Variants in DIAPH2 observed in about 807,000 individuals in gnomAD.
The protein encoded by DIAPH2 is protein diaphanous homolog 2.
In DIAPH2, 35 loss-of-function variants were observed where a neutral mutation model predicts 92.7. The observed-to-expected ratio is 0.38, with a 90% confidence interval of 0.29 to 0.50. The LOEUF (loss-of-function observed/expected upper bound fraction) is 0.50. DIAPH2 is among the 20% of genes least tolerant of loss of function. The pLI is 0.94. For synonymous variants in DIAPH2, 301 were observed against 280.4 expected, an observed-to-expected ratio of 1.07 and a Z score of -0.73; for missense variants, 701 against 819.5, an observed-to-expected ratio of 0.86 and a Z score of 1.77.
At chrX:96,851,350 G>A (rs984901135) in intron 4 of DIAPH2, among the ~76,000 whole-genome samples, 7 of 111,566 alleles carry the variant, frequency 6.3e-5, no homozygotes, top group Non-Finnish European at 9.4e-5. Context: ...TGATCTGCCC[G>A]CCTTGGCCCC....
At chrX:97,589,272 G>A (rs1393522661) in intron 26 of DIAPH2, among the ~76,000 whole-genome samples, 2 of 82,801 alleles carry the variant, frequency 2.4e-5, no homozygotes, top group Non-Finnish European at 4.4e-5. Flanking sequence ...AGCCAAGCTC[G>A]CACCACTGCA....
At chrX:96,717,432 A>G (rs985373987) in intron 1 of DIAPH2, among the ~76,000 whole-genome samples, 3 of 108,872 alleles carry the variant, frequency 2.8e-5, no homozygotes, top group Non-Finnish European at 3.8e-5. Flanking sequence ...TGCTTCGTGT[A>G]TTTTGAAGCT....
At chrX:97,160,803 T>C (rs914157534) in intron 22 of DIAPH2, among the ~76,000 whole-genome samples, 8 of 111,667 alleles carry the variant, frequency 7.2e-5, no homozygotes, top group South Asian at 3.7e-4. Flanking sequence ...CAAAAATAGA[T>C]TAAACACATA....
chrX:97,029,838 C>T (rs906885014), intron 17 of DIAPH2, among the ~76,000 whole-genome samples: 4 of 111,381 alleles, frequency 3.6e-5, no homozygotes, highest in African/African-American at 1.3e-4. Context: ...GTCTTGATTA[C>T]TATAGCTTTA....
intron 26 of DIAPH2, among the ~76,000 whole-genome samples, chrX:97,506,879 A>G (rs2070838811): frequency 9.0e-6 from 1 of 111,503 alleles, no homozygotes; most frequent in Non-Finnish European, 1.9e-5. Context: ...TTTTTAACAA[A>G]CGTTCAATGT....
At chrX:97,040,384 A>T (rs971729667) in intron 17 of DIAPH2, among the ~76,000 whole-genome samples, 1 of 110,889 alleles carries the variant, frequency 9.0e-6, no homozygotes, top group African/African-American at 3.3e-5. Flanking sequence ...AGCTAACATC[A>T]TCAGATATCA....
At chrX:97,249,675 C>T (rs947174869) in intron 23 of DIAPH2, among the ~76,000 whole-genome samples, 15 of 111,781 alleles carry the variant, frequency 1.3e-4, no homozygotes, top group Admixed American at 1.3e-3. Flanking sequence ...TAGAAAGAGA[C>T]GAACGAAATG....
At chrX:96,891,402 C>G (rs903736712) in intron 5 of DIAPH2, among the ~76,000 whole-genome samples, 1 of 111,958 alleles carries the variant, frequency 8.9e-6, no homozygotes, top group Non-Finnish European at 1.9e-5. Context: ...TTGCATTAGA[C>G]TTTGCACATA....
At chrX:96,900,680 C>T (rs962591275) in intron 5 of DIAPH2, among the ~76,000 whole-genome samples, 4 of 111,641 alleles carry the variant, frequency 3.6e-5, no homozygotes, top group Non-Finnish European at 7.5e-5. Context: ...TGGATTTTAT[C>T]AAATGCTCTT....
chrX:97,426,335 A>T (rs1261788556), intron 25 of DIAPH2, among the ~76,000 whole-genome samples: 1 of 103,438 alleles, frequency 9.7e-6, no homozygotes, highest in Non-Finnish European at 2.0e-5. Context: ...CCCAGGCTGG[A>T]TGGAGTGCAG....
chrX:96,994,089 G>A (rs1396176561), intron 17 of DIAPH2, among the ~76,000 whole-genome samples: 4 of 111,796 alleles, frequency 3.6e-5, no homozygotes, highest in African/African-American at 9.8e-5. Context: ...TGATCAAATT[G>A]CATTTTAGAA....
At chrX:97,560,144 C>T (rs1201408296) in intron 26 of DIAPH2, among the ~76,000 whole-genome samples, 1 of 111,868 alleles carries the variant, frequency 8.9e-6, no homozygotes, top group Non-Finnish European at 1.9e-5. Flanking sequence ...AAAAAGATCC[C>T]TGCCACCTCT....
At chrX:97,434,010 T>A (rs2070154773) in intron 26 of DIAPH2, among the ~76,000 whole-genome samples, 1 of 111,940 alleles carries the variant, frequency 8.9e-6, no homozygotes, top group Non-Finnish European at 1.9e-5. Context: ...GTGGGCATTT[T>A]AGTCAAAAGA....
intron 23 of DIAPH2, among the ~76,000 whole-genome samples, chrX:97,264,335 C>T (rs1466270679): frequency 3.6e-5 from 4 of 111,150 alleles, no homozygotes; most frequent in African/African-American, 9.8e-5. Flanking sequence ...TTGTTTGGCC[C>T]CTTGTGTGTG....
chrX:97,389,601 A>G (rs760333633), intron 25 of DIAPH2, among the ~76,000 whole-genome samples: 1 of 111,537 alleles, frequency 9.0e-6, no homozygotes, highest in South Asian at 3.8e-4. Flanking sequence ...TGTGTCTATA[A>G]CAGACAAAGA....
chrX:97,087,031 ATCT>A (rs1396309187), intron 19 of DIAPH2, among the ~76,000 whole-genome samples: 5 of 111,902 alleles, frequency 4.5e-5, no homozygotes, highest in Non-Finnish European at 9.4e-5. Flanking sequence ...CCCTTGAAAC[ATCT>A]TCTTCCAGTA....
chrX:97,335,589 G>A (rs1469634511), intron 23 of DIAPH2, among the ~76,000 whole-genome samples: 7 of 111,940 alleles, frequency 6.3e-5, no homozygotes, highest in Non-Finnish European at 1.1e-4. Context: ...TAATAGTTAT[G>A]TATTGCCTAA....
rs181894851 is a variant in DIAPH2, at chrX:97,204,606, A to G, written c.2720-43109A>G. Among the ~76,000 whole-genome samples, 159 of 111,529 alleles carry G rather than the reference A, an allele frequency of 1.4e-3. 1 individual carries two copies. The highest frequency in any genetic ancestry group is 2.1e-3 in the Non-Finnish European group (110 of 53,147). On this transcript the variant is annotated intron_variant, in intron 22 of 26. Coordinates refer to ENST00000324765, the MANE Select transcript of DIAPH2 (RefSeq NM_006729.5). The stretch of plus-strand genomic sequence containing the variant: ...AGATAATAAAATACCCAGGAATACA[A>G]CTTACAAGGAATGTGAAAGACGTCT...
chrX:97,325,790 G>T (rs1423557502), intron 23 of DIAPH2, among the ~76,000 whole-genome samples: 3 of 111,110 alleles, frequency 2.7e-5, no homozygotes, highest in Non-Finnish European at 3.8e-5. Context: ...TGTTCGCCAG[G>T]ATGGTCTCGA....
Sources: allele counts gnomAD v4.1 joint callset (sites outside exome capture counted in the v4.1 genomes callset), GRCh38; gene constraint gnomAD v4.1.1; transcripts MANE v1.5; gene names NCBI Gene and HGNC (gene_info 2026-07-23, HGNC 2026-07-21).